Variants in EMSY observed in about 807,000 individuals in gnomAD.
EMSY encodes the protein BRCA2-interacting transcriptional repressor EMSY.
Under a neutral mutation model 134.6 loss-of-function variants are expected in EMSY, and 26 were observed. That is an observed-to-expected ratio of 0.19 (90% CI 0.14 to 0.27). EMSY has a LOEUF of 0.27. EMSY is among the 10% of genes least tolerant of loss of function. The pLI is 1.00. For synonymous variants in EMSY, 579 were observed against 577.8 expected (o/e 1.00, Z -0.03); for missense variants, 1,305 against 1,611.4 (o/e 0.81, Z 3.26).
At chr11:76,518,703 A>AT (rs67729914) in intron 11 of EMSY, among the ~76,000 whole-genome samples, 1,391 of 130,172 alleles carry the variant, frequency 0.011, 14 homozygotes, top group African/African-American at 0.035. Context: ...ATATATATAT[A>AT]TTTTTTTTTT....
chr11:76,546,989 C>T (rs1465034767), intron 20 of EMSY: 1 of 434,558 alleles, frequency 2.3e-6, no homozygotes, highest in Non-Finnish European at 4.6e-6. Context: ...ACCTCACATT[C>T]CCTTGATTCT....
At chr11:76,448,767 A>G (rs1360132941) in intron 2 of EMSY, among the ~76,000 whole-genome samples, 3 of 152,046 alleles carry the variant, frequency 2.0e-5, no homozygotes, top group Non-Finnish European at 4.4e-5. Flanking sequence ...TTGTCTTCAC[A>G]TGCTAACTCT....
At chr11:76,503,708 C>T (rs1439306126) in intron 9 of EMSY, among the ~76,000 whole-genome samples, 1 of 152,068 alleles carries the variant, frequency 6.6e-6, no homozygotes, top group Non-Finnish European at 1.5e-5. Context: ...GCAAAGGATT[C>T]TTGGATATAA....
exon 21 of EMSY, chr11:76,550,025 T>C: frequency 6.2e-7 from 1 of 1,613,978 alleles, no homozygotes; most frequent in East Asian, 2.2e-5. Flanking sequence ...CTTCTTGAGC[T>C]AAACAACTTC....
intron 8 of EMSY, among the ~76,000 whole-genome samples, chr11:76,484,652 A>C (rs568382096): frequency 7.9e-5 from 12 of 152,334 alleles, no homozygotes; most frequent in African/African-American, 2.6e-4. Context: ...AAAATCTAGA[A>C]GGCCAGGCGC....
intron 2 of EMSY, among the ~76,000 whole-genome samples, chr11:76,447,716 A>T (rs1246046323): frequency 6.6e-6 from 1 of 152,148 alleles, no homozygotes; most frequent in African/African-American, 2.4e-5. Flanking sequence ...GCTATTAGTT[A>T]TTACTTTCCT....
exon 9 of EMSY, chr11:76,496,295 C>G (rs1399003902): frequency 6.2e-7 from 1 of 1,614,162 alleles, no homozygotes; most frequent in Admixed American, 1.7e-5. Context: ...AACTCAGATT[C>G]TTGCACAGTT....
At chr11:76,546,429 G>A (rs1477027752) in intron 20 of EMSY, 132 bp downstream of exon 21, 40 of 1,274,344 alleles carry the variant, frequency 3.1e-5, no homozygotes, top group Admixed American at 1.0e-4. Flanking sequence ...CTTTGAGATG[G>A]TGTTTGACAA....
chr11:76,502,287 CAAAAAA>C (rs34882734), intron 9 of EMSY, among the ~76,000 whole-genome samples: 1 of 8,530 alleles, frequency 1.2e-4, no homozygotes, highest in African/African-American at 5.4e-4. Context: ...AGAAAATGGG[CAAAAAA>C]AAAAAAAAAA....
At chr11:76,446,317 G>GTGTGTATATATATATGTATATATATA (rs1313633153) in intron 1 of EMSY, among the ~76,000 whole-genome samples, 20 of 56,902 alleles carry the variant, frequency 3.5e-4, no homozygotes, top group African/African-American at 1.2e-3. Flanking sequence ...ATATATGTGT[G>GTGTGTATATATATATGTATATATATA]TGTGTGTATA....
intron 11 of EMSY, among the ~76,000 whole-genome samples, chr11:76,520,215 C>T (rs1950594967): frequency 6.6e-6 from 1 of 151,912 alleles, no homozygotes; most frequent in Non-Finnish European, 1.5e-5. Context: ...TTATGCTATT[C>T]CTTTTTCTTC....
intron 8 of EMSY, among the ~76,000 whole-genome samples, chr11:76,489,915 A>G (rs112743917): frequency 0.012 from 1,873 of 152,204 alleles, 29 homozygotes; most frequent in African/African-American, 0.041. Context: ...TACTTGATGT[A>G]TCTTTTTTTC....
intron 9 of EMSY, among the ~76,000 whole-genome samples, chr11:76,500,450 T>C (rs553363037): frequency 6.6e-6 from 1 of 152,298 alleles, no homozygotes; most frequent in East Asian, 1.9e-4. Context: ...TTCATGGATG[T>C]AATGAACATA....
At chr11:76,544,888 C>CG in intron 19 of EMSY, 66 bp downstream of exon 20, 2 of 1,501,228 alleles carry the variant, frequency 1.3e-6, no homozygotes, top group Non-Finnish European at 1.8e-6. Flanking sequence ...ATGAGAACAT[C>CG]ACGACCCTAT....
intron 12 of EMSY, among the ~76,000 whole-genome samples, chr11:76,526,016 G>A (rs1214018481): frequency 6.6e-6 from 1 of 151,990 alleles, no homozygotes; most frequent in African/African-American, 2.4e-5. Context: ...CTGGTATATT[G>A]CACAGTAATT....
chr11:76,453,529 A>G, intron 4 of EMSY, 141 bp downstream of exon 4: 1 of 690,274 alleles, frequency 1.4e-6, no homozygotes, highest in Non-Finnish European at 2.2e-6. Flanking sequence ...TCATAGCAGT[A>G]AAAGTGATAT....
At chr11:76,532,367 T>A (rs926781205) in intron 14 of EMSY, among the ~76,000 whole-genome samples, 1 of 151,214 alleles carries the variant, frequency 6.6e-6, no homozygotes, top group African/African-American at 2.4e-5. Context: ...TTTTTTTTTT[T>A]CTGGAGTTCC....
exon 18 of EMSY, chr11:76,542,243 C>T: frequency 6.2e-7 from 1 of 1,614,234 alleles, no homozygotes; most frequent in Non-Finnish European, 8.5e-7. Context: ...CCCCAACAGC[C>T]TTCCCAGCCC....
Position 76,472,607 on chromosome 11 carries a change from A to G in EMSY, c.875A>G (p.Asn292Ser), listed in dbSNP as rs2135359959. The G allele has an allele frequency of 4.3e-6, 7 of 1,614,014 alleles. No homozygotes were observed. The Middle Eastern group carries it at 8.2e-4, about 190-fold the overall frequency. ...TCACCAAGCTCAACCTTCGTGCCCA[A>G]CATTCTCTCCAAATCCCATAACTAT... is the stretch of plus-strand genomic sequence containing the variant. Residue 292 changes from asparagine (N) to serine (S), a missense_variant, in exon 8 of 21, where the codon AAC (asparagine) becomes AGC (serine). By Grantham distance (46) the Asn-to-Ser change is conservative. Transcript: ENST00000334736.
Sources: gnomAD v4.1 joint callset for allele counts (sites outside exome capture counted in the v4.1 genomes callset) on GRCh38, gnomAD v4.1.1 for gene constraint, MANE v1.5 for transcripts, NCBI Gene and HGNC (gene_info 2026-07-23, HGNC 2026-07-21) for gene names.